Variants in DNM3 observed in about 807,000 individuals in gnomAD.
The protein encoded by DNM3 is dynamin 3, also known as dynamin-3.
In DNM3, 47 loss-of-function variants were observed where a neutral mutation model predicts 101.6. The observed-to-expected ratio is 0.46, with a 90% confidence interval of 0.37 to 0.59. The LOEUF is 0.59. Ranked by LOEUF, DNM3 falls within the 20% of genes least tolerant of loss-of-function variation. The pLI is 0.00. For synonymous variants in DNM3, 385 were observed against 387.9 expected (o/e 0.99, Z 0.09); for missense variants, 849 against 1,085.7 (o/e 0.78, Z 3.06).
intron 15 of DNM3, among the ~76,000 whole-genome samples, chr1:172,299,282 T>G (rs1450637675): frequency 6.6e-6 from 1 of 152,240 alleles, no homozygotes; most frequent in African/African-American, 2.4e-5. Flanking sequence ...GGGGGCTTTG[T>G]GGGCCATCAT....
intron 2 of DNM3, among the ~76,000 whole-genome samples, chr1:171,927,656 A>G (rs928790978): frequency 3.9e-5 from 6 of 152,186 alleles, no homozygotes; most frequent in African/African-American, 1.4e-4. Context: ...AATATAGTAC[A>G]TATACACCAT....
chr1:172,167,938 A>T (rs1036727018), intron 14 of DNM3, among the ~76,000 whole-genome samples: 17 of 151,960 alleles, frequency 1.1e-4, no homozygotes, highest in African/African-American at 3.1e-4. Context: ...TTTTAAGTGC[A>T]ATTTCCTGCA....
chr1:171,897,107 A>T (rs571747568), intron 1 of DNM3, among the ~76,000 whole-genome samples: 2 of 152,276 alleles, frequency 1.3e-5, no homozygotes, highest in South Asian at 4.1e-4. Context: ...CATGTGTAAC[A>T]TTGCGTTAGG....
Position 171,987,827 on chromosome 1 carries a change from C to T in DNM3, c.385+22C>T, listed in dbSNP as rs754976492. 8.5e-6 allele frequency: 13 copies of T among 1,525,690 alleles called. No individual in the cohort carries two copies. In the East Asian group the frequency reaches 3.0e-4, roughly 35 times the overall value. 94.5% of individuals were successfully genotyped at this position (1,525,690 alleles called of 1,614,324 possible). A position where few individuals can be genotyped will look rare whatever the true frequency, so the allele number is the denominator to read the frequency against. The stretch of plus-strand genomic sequence containing the variant: ...CACGGTAAGTAAAATAATAAAATTC[C>T]AAATTCTTCTCCTCAAACATTTATA... On this transcript the variant is annotated intron_variant, in intron 3 of 20. Transcript: ENST00000627582.
At chr1:171,936,230 A>G (rs1413203883) in intron 2 of DNM3, among the ~76,000 whole-genome samples, 1 of 151,982 alleles carries the variant, frequency 6.6e-6, no homozygotes, top group Non-Finnish European at 1.5e-5. Flanking sequence ...TGGCACATAC[A>G]GCTACTTGGG....
chr1:172,202,169 T>C (rs547942963), intron 14 of DNM3, among the ~76,000 whole-genome samples: 7 of 152,296 alleles, frequency 4.6e-5, no homozygotes, highest in African/African-American at 1.7e-4. Context: ...ACTAGCTACT[T>C]CTAGTAAGCC....
At chr1:172,041,881 A>T in intron 7 of DNM3, 128 bp from the exon 8 acceptor site, 1 of 948,394 alleles carries the variant, frequency 1.1e-6, no homozygotes, top group Non-Finnish European at 1.5e-6. Flanking sequence ...GTGCAATGTT[A>T]ACTCTGCCAG....
intron 2 of DNM3, among the ~76,000 whole-genome samples, chr1:171,932,906 T>C (rs1490977924): frequency 6.6e-6 from 1 of 152,192 alleles, no homozygotes; most frequent in Non-Finnish European, 1.5e-5. Context: ...AAAATATTCT[T>C]ACATATTGAG....
intron 1 of DNM3, among the ~76,000 whole-genome samples, chr1:171,865,941 G>A (rs2034702604): frequency 6.6e-6 from 1 of 152,094 alleles, no homozygotes; most frequent in Non-Finnish European, 1.5e-5. Context: ...AATAGATTCA[G>A]CATCTTCCCC....
intron 14 of DNM3, among the ~76,000 whole-genome samples, chr1:172,132,705 C>T (rs934383600): frequency 2.0e-5 from 3 of 152,020 alleles, no homozygotes; most frequent in Admixed American, 6.6e-5. Context: ...TATACAAGGC[C>T]GCAGAAAATA....
intron 4 of DNM3, among the ~76,000 whole-genome samples, chr1:172,024,007 A>C (rs2048025931): frequency 6.6e-6 from 1 of 151,448 alleles, no homozygotes; most frequent in African/African-American, 2.4e-5. Flanking sequence ...TGGCCTTCTA[A>C]TTTTGTTCCA....
chr1:172,243,718 G>T (rs185968277), intron 14 of DNM3, among the ~76,000 whole-genome samples: 3 of 152,128 alleles, frequency 2.0e-5, no homozygotes, highest in Non-Finnish European at 4.4e-5. Flanking sequence ...GTTAAAAAGT[G>T]CTGTTGATGA....
chr1:172,262,812 A>G (rs1010732049), intron 15 of DNM3, among the ~76,000 whole-genome samples: 1 of 152,064 alleles, frequency 6.6e-6, no homozygotes. Flanking sequence ...TAGTGGATAG[A>G]CTTTTTTTAG....
chr1:172,137,196 A>G (rs2057286064), intron 14 of DNM3: 2 of 152,150 alleles, frequency 1.3e-5, no homozygotes, highest in Non-Finnish European at 2.9e-5. Flanking sequence ...CAGGTGGTAC[A>G]AGGCATTTAA....
chr1:172,003,696 T>C (rs1276498390), intron 4 of DNM3, among the ~76,000 whole-genome samples: 1 of 151,884 alleles, frequency 6.6e-6, no homozygotes, highest in African/African-American at 2.4e-5. Flanking sequence ...ATGAGGCCTA[T>C]ATGTAGATAT....
intron 14 of DNM3, among the ~76,000 whole-genome samples, chr1:172,174,847 A>G (rs534829930): frequency 8.6e-4 from 130 of 151,872 alleles, no homozygotes; most frequent in African/African-American, 2.8e-3. Context: ...TATGAATATT[A>G]ACAAATATTT....
intron 14 of DNM3, among the ~76,000 whole-genome samples, chr1:172,193,825 T>G (rs1188464536): frequency 6.6e-6 from 1 of 152,188 alleles, no homozygotes; most frequent in African/African-American, 2.4e-5. Context: ...CTGGATTCAT[T>G]GATTTTTTGA....
intron 10 of DNM3, among the ~76,000 whole-genome samples, chr1:172,059,070 T>G (rs2050914100): frequency 6.6e-6 from 1 of 151,922 alleles, no homozygotes; most frequent in African/African-American, 2.4e-5. Flanking sequence ...CAAACACCTC[T>G]ACGCAAATAA....
chr1:172,175,106 C>T (rs2059109507), intron 14 of DNM3, among the ~76,000 whole-genome samples: 2 of 151,690 alleles, frequency 1.3e-5, no homozygotes, highest in Admixed American at 1.3e-4. Context: ...GCCATATACC[C>T]TCTCCTGACT....
Sources: gnomAD v4.1 joint callset for allele counts (sites outside exome capture counted in the v4.1 genomes callset) on GRCh38, gnomAD v4.1.1 for gene constraint, MANE v1.5 for transcripts, NCBI Gene and HGNC (gene_info 2026-07-23, HGNC 2026-07-21) for gene names.